Variants in MAML2 observed in about 807,000 individuals in gnomAD.
MAML2 encodes mastermind like transcriptional coactivator 2, also known as mastermind-like protein 2.
In MAML2, 22 loss-of-function variants were observed where a neutral mutation model predicts 96.1. That is an observed-to-expected ratio of 0.23 (90% CI 0.16 to 0.33). The LOEUF (loss-of-function observed/expected upper bound fraction) is 0.33. MAML2 is among the 10% of genes least tolerant of loss of function. MAML2 has a pLI of 1.00. For synonymous variants in MAML2, 561 were observed against 521.3 expected (o/e 1.08, Z -1.04); for missense variants, 1,367 against 1,392.4 (o/e 0.98, Z 0.29).
Position 96,093,091 on chromosome 11 carries a change from T to G in MAML2, c.940A>C (p.Thr314Pro), listed in dbSNP as rs1294115900. 3.7e-6 allele frequency: 6 copies of G among 1,613,900 alleles called. No individual in the cohort carries two copies. Among genetic ancestry groups the G allele is most frequent in the Non-Finnish European group, 4.2e-6 (5 of 1,179,894 alleles). ...PELQELFNEL[T>P]NISVPPMSDL... Reference sequence around the variant, plus strand: ...CTCATGGGAGGCACAGATATGTTGGTCAGTTCATTGAACAGTTCCTGCAGC... The same window carrying G: ...CTCATGGGAGGCACAGATATGTTGGGCAGTTCATTGAACAGTTCCTGCAGC... The change falls in exon 2 of 5, where the codon ACC (threonine) becomes CCC (proline). Residue 314 changes from threonine to proline, a missense_variant. Physicochemically the swap from Thr to Pro is conservative, Grantham distance 38 (BLOSUM62 -1). Coordinates refer to ENST00000524717, the MANE Select transcript of MAML2 (RefSeq NM_032427.4).
At chr11:96,064,254 G>T (rs776430664) in intron 2 of MAML2, among the ~76,000 whole-genome samples, 20 of 152,198 alleles carry the variant, frequency 1.3e-4, no homozygotes, top group Non-Finnish European at 2.2e-4. Flanking sequence ...TTCCTGGATG[G>T]ATCATCTGTG....
rs187587821 is a variant in MAML2, at chr11:96,259,177, T to C, written c.513+82206A>G. On this transcript the variant is annotated intron_variant, in intron 1 of 4. Coordinates refer to ENST00000524717, the MANE Select transcript of MAML2 (RefSeq NM_032427.4). ...TTCTTCCTAATGGCTTATCTGCATG[T>C]CTTTTCAATTTTCTAAGTGAAGGCC... Among the ~76,000 whole-genome samples, 151 of 152,350 alleles carry C rather than the reference T, an allele frequency of 9.9e-4. 1 individual carries two copies. The highest frequency in any genetic ancestry group is 1.7e-3 in the Non-Finnish European group (116 of 68,036).
intron 2 of MAML2, among the ~76,000 whole-genome samples, chr11:96,056,355 T>C (rs1025315442): frequency 6.7e-6 from 1 of 149,844 alleles, no homozygotes; most frequent in African/African-American, 2.4e-5. Flanking sequence ...GGGTCACATG[T>C]TCTCTCTTTT....
intron 1 of MAML2, among the ~76,000 whole-genome samples, chr11:96,197,242 C>A (rs1224248441): frequency 6.6e-6 from 1 of 152,224 alleles, no homozygotes; most frequent in Non-Finnish European, 1.5e-5. Context: ...TCCAGAGACA[C>A]ATTAGCAATA....
intron 1 of MAML2, among the ~76,000 whole-genome samples, chr11:96,279,133 T>C (rs1863029655): frequency 6.6e-6 from 1 of 152,026 alleles, no homozygotes; most frequent in South Asian, 2.1e-4. Context: ...AGACTTGGAG[T>C]TGAAACTTCA....
chr11:96,067,149 A>G (rs1859258113), intron 2 of MAML2, among the ~76,000 whole-genome samples: 1 of 152,212 alleles, frequency 6.6e-6, no homozygotes, highest in East Asian at 1.9e-4. Flanking sequence ...GTGACATATC[A>G]CAAACAACAC....
At chr11:96,102,988 G>A (rs896334326) in intron 1 of MAML2, among the ~76,000 whole-genome samples, 29 of 152,174 alleles carry the variant, frequency 1.9e-4, no homozygotes, top group African/African-American at 6.5e-4. Flanking sequence ...AATTTACGAT[G>A]CATTAAGTAT....
intron 1 of MAML2, among the ~76,000 whole-genome samples, chr11:96,146,683 C>T (rs1860827346): frequency 6.6e-6 from 1 of 152,176 alleles, no homozygotes; most frequent in Non-Finnish European, 1.5e-5. Context: ...GTTTTCTACA[C>T]TCCTCATCCT....
Position 96,275,304 on chromosome 11 carries a change from G to A in MAML2, c.513+66079C>T, listed in dbSNP as rs1308731451. Among the ~76,000 whole-genome samples the A allele has an allele frequency of 4.2e-5, 5 of 118,432 alleles. No individual in the cohort carries two copies. The South Asian group carries it at 1.4e-3, about 32-fold the overall frequency. The allele number at this position is 118,432 out of a possible 152,430, so 77.7% of individuals were successfully genotyped here. On this transcript the variant is annotated intron_variant, in intron 1 of 4. Transcript: ENST00000524717. ...TTTTTTTTTTTTTTTTTGAGACAGA[G>A]TCTCGCTCTGTCACCCAGGCTGGAG... is the stretch of plus-strand genomic sequence containing the variant.
intron 1 of MAML2, among the ~76,000 whole-genome samples, chr11:96,162,818 T>C (rs1482782649): frequency 1.3e-5 from 2 of 152,024 alleles, no homozygotes; most frequent in African/African-American, 4.8e-5. Context: ...TGAGGAGGGC[T>C]CTTTCCTAGG....
intron 2 of MAML2, among the ~76,000 whole-genome samples, chr11:96,036,345 T>C (rs944380096): frequency 8.6e-5 from 13 of 152,040 alleles, no homozygotes; most frequent in Non-Finnish European, 5.9e-5. Context: ...CTCTAGAGAG[T>C]TTTATTTCCT....
intron 1 of MAML2, among the ~76,000 whole-genome samples, chr11:96,202,175 T>TAAAAA (rs1861833285): frequency 3.9e-5 from 1 of 25,394 alleles, no homozygotes. Context: ...CTACTAAAAA[T>TAAAAA]ACAAAAAAAA....
At chr11:96,187,296 A>G (rs573869368) in intron 1 of MAML2, among the ~76,000 whole-genome samples, 20 of 152,358 alleles carry the variant, frequency 1.3e-4, no homozygotes, top group Admixed American at 7.8e-4. Flanking sequence ...CAGACTTTCA[A>G]ATTAACTCAT....
At chr11:96,145,972 T>C (rs1860809015) in intron 1 of MAML2, among the ~76,000 whole-genome samples, 1 of 151,920 alleles carries the variant, frequency 6.6e-6, no homozygotes, top group Admixed American at 6.6e-5. Flanking sequence ...TCATGCCACC[T>C]CACTCCAGCC....
intron 2 of MAML2, among the ~76,000 whole-genome samples, chr11:96,059,223 T>C (rs961452853): frequency 1.6e-4 from 25 of 152,232 alleles, no homozygotes; most frequent in African/African-American, 5.5e-4. Context: ...ATGCATAAGA[T>C]GGTAATTCTG....
At chr11:96,317,552 T>C (rs1251095006) in intron 1 of MAML2, among the ~76,000 whole-genome samples, 2 of 152,226 alleles carry the variant, frequency 1.3e-5, no homozygotes, top group Middle Eastern at 3.2e-3. Flanking sequence ...TGAATTGTTA[T>C]ATTCTTTCTG....
At chr11:96,187,957 G>A (rs1465784996) in intron 1 of MAML2, among the ~76,000 whole-genome samples, 3 of 152,192 alleles carry the variant, frequency 2.0e-5, no homozygotes, top group Admixed American at 2.0e-4. Flanking sequence ...TCATTCGGCT[G>A]GCATTTGGCC....
intron 2 of MAML2, among the ~76,000 whole-genome samples, chr11:96,067,850 C>T (rs899695773): frequency 6.6e-6 from 1 of 152,142 alleles, no homozygotes; most frequent in Admixed American, 6.5e-5. Flanking sequence ...ATTTTGCAAG[C>T]TTGTGTTTTC....
intron 1 of MAML2, among the ~76,000 whole-genome samples, chr11:96,125,665 G>A (rs999868091): frequency 2.0e-5 from 3 of 152,154 alleles, no homozygotes; most frequent in African/African-American, 7.2e-5. Context: ...GATCCAAGCA[G>A]CTCTTGACAT....
Sources: gnomAD v4.1 joint callset for allele counts (sites outside exome capture counted in the v4.1 genomes callset) on GRCh38, gnomAD v4.1.1 for gene constraint, MANE v1.5 for transcripts, NCBI Gene and HGNC (gene_info 2026-07-23, HGNC 2026-07-21) for gene names.